Variants in GHR observed in about 807,000 individuals in gnomAD.
GHR encodes the protein GH receptor.
Under a neutral mutation model 67.1 loss-of-function variants are expected in GHR, and 35 were observed. The observed-to-expected ratio is 0.52, with a 90% confidence interval of 0.40 to 0.69. The LOEUF (loss-of-function observed/expected upper bound fraction) is 0.69, where lower values mean the gene tolerates loss of function less well. GHR is among the 30% of genes least tolerant of loss of function. The probability of loss-of-function intolerance (pLI) is 0.00; values close to 1 mark genes in which losing one functional copy is unlikely to be tolerated. For synonymous variants in GHR, 272 were observed against 269.1 expected (o/e 1.01, Z -0.10); for missense variants, 792 against 764.6 (o/e 1.04, Z -0.42).
At chr5:42,476,149 C>T (rs529136316) in intron 1 of GHR, among the ~76,000 whole-genome samples, 14 of 151,402 alleles carry the variant, frequency 9.2e-5, no homozygotes, top group African/African-American at 2.2e-4. Context: ...GTGATTTGCC[C>T]GCCTCAGCCT....
intron 2 of GHR, among the ~76,000 whole-genome samples, chr5:42,597,463 C>T (rs1378071541): frequency 6.6e-5 from 10 of 152,122 alleles, no homozygotes; most frequent in Admixed American, 2.6e-4. Flanking sequence ...GGATCCAGTA[C>T]ACCACTAGGT....
At chr5:42,450,632 T>G (rs912882260) in intron 1 of GHR, among the ~76,000 whole-genome samples, 2 of 152,108 alleles carry the variant, frequency 1.3e-5, no homozygotes, top group African/African-American at 4.8e-5. Context: ...TCAGTTTCAT[T>G]TAGTTCTTCT....
intron 2 of GHR, among the ~76,000 whole-genome samples, chr5:42,621,182 G>A (rs1753426741): frequency 6.6e-6 from 1 of 152,034 alleles, no homozygotes; most frequent in South Asian, 2.1e-4. Flanking sequence ...TGCTGCTCTT[G>A]TAACAGTAGG....
intron 1 of GHR, among the ~76,000 whole-genome samples, chr5:42,457,649 G>A (rs1219808872): frequency 6.6e-6 from 1 of 152,184 alleles, no homozygotes; most frequent in Non-Finnish European, 1.5e-5. Context: ...AATGTGTATT[G>A]ATTTTCACAA....
At position 42,612,515 on chromosome 5, in the gene GHR, G is replaced by A. The variant is rs147635691; in HGVS notation, c.71-16523G>A. ...TTTTAATATATCAAACTAGCATGTG[G>A]GTTGAGACACAACATCACATTACAA... On this transcript the variant is annotated intron_variant, in intron 2 of 9. Transcript: ENST00000230882. Among the ~76,000 whole-genome samples, 256 of 151,992 alleles carry A rather than the reference G, an allele frequency of 1.7e-3. 1 individual carries two copies. The highest frequency in any genetic ancestry group is 5.9e-3 in the African/African-American group (244 of 41,466).
intron 2 of GHR, among the ~76,000 whole-genome samples, chr5:42,576,730 T>C (rs1750767085): frequency 6.6e-6 from 1 of 152,252 alleles, no homozygotes; most frequent in African/African-American, 2.4e-5. Context: ...GATACTGTTA[T>C]GTAGTTATAG....
Position 42,656,145 on chromosome 5 carries a change from C to A in GHR, c.136+27042C>A, listed in dbSNP as rs943715285. ...GGTAACTAAAGATACTACAAACAAC[C>A]CCTCTGAACGGTAACACTCCCACTC... On this transcript the variant is annotated intron_variant, in intron 3 of 9. Coordinates refer to ENST00000230882, the MANE Select transcript of GHR (RefSeq NM_000163.5). Among the ~76,000 whole-genome samples, 43 of 151,984 alleles carry A rather than the reference C, an allele frequency of 2.8e-4. 1 individual carries two copies. Among genetic ancestry groups the A allele is most frequent in the Admixed American group, 2.8e-3 (43 of 15,264 alleles).
intron 1 of GHR, among the ~76,000 whole-genome samples, chr5:42,461,856 G>A (rs71625686): frequency 2.0e-5 from 3 of 152,224 alleles, no homozygotes; most frequent in African/African-American, 7.2e-5. Context: ...CCAGCTTCTA[G>A]CAGGACAGAC....
At chr5:42,475,511 C>T (rs1159700393) in intron 1 of GHR, among the ~76,000 whole-genome samples, 2 of 152,032 alleles carry the variant, frequency 1.3e-5, no homozygotes, top group Non-Finnish European at 1.5e-5. Flanking sequence ...TCCAATTCAA[C>T]TTTCCCTCCT....
chr5:42,430,145 C>G (rs1034788297), intron 1 of GHR, among the ~76,000 whole-genome samples: 1 of 152,138 alleles, frequency 6.6e-6, no homozygotes, highest in Admixed American at 6.5e-5. Context: ...GGACAAAGGC[C>G]CTGTTACTCT....
chr5:42,665,248 G>T lies in GHR; in HGVS notation c.137-23642G>T, dbSNP rs560768004. 2.0e-5 allele frequency among the ~76,000 whole-genome samples: 3 copies of T among 152,218 alleles called. No homozygotes were observed. The South Asian group carries it at 6.2e-4, about 32-fold the overall frequency. On this transcript the variant is annotated intron_variant, in intron 3 of 9. Coordinates refer to ENST00000230882, the MANE Select transcript of GHR (RefSeq NM_000163.5). ...TTTGACCCAGCCATCCCATTACTGG[G>T]TATATACCCAAATGACTGTAAATCA...
intron 1 of GHR, among the ~76,000 whole-genome samples, chr5:42,535,369 T>G (rs947371952): frequency 6.6e-6 from 1 of 152,200 alleles, no homozygotes; most frequent in African/African-American, 2.4e-5. Flanking sequence ...TTTATTCTCG[T>G]ATATGTGACT....
At chr5:42,680,251 A>G (rs1282296485) in intron 3 of GHR, among the ~76,000 whole-genome samples, 1 of 152,208 alleles carries the variant, frequency 6.6e-6, no homozygotes, top group African/African-American at 2.4e-5. Flanking sequence ...ATTTCGGCTG[A>G]CAATAAGTAT....
intron 3 of GHR, among the ~76,000 whole-genome samples, chr5:42,662,084 G>A (rs552418240): frequency 1.3e-5 from 2 of 152,258 alleles, no homozygotes; most frequent in South Asian, 4.2e-4. Context: ...ACCCAATACA[G>A]GAGCATCCAG....
intron 3 of GHR, among the ~76,000 whole-genome samples, chr5:42,681,935 C>CAAA (rs11443605): frequency 1.7e-3 from 136 of 78,876 alleles, no homozygotes; most frequent in Middle Eastern, 0.016. Flanking sequence ...GACTCCGTCT[C>CAAA]AAAAAAAAAA....
intron 1 of GHR, chr5:42,468,764 C>G (rs1744858764): frequency 9.4e-7 from 1 of 1,069,302 alleles, no homozygotes; most frequent in Non-Finnish European, 1.4e-6. Flanking sequence ...TTCTTGTTCT[C>G]TCCTGCCTTC....
intron 3 of GHR, among the ~76,000 whole-genome samples, chr5:42,640,018 C>G (rs554080376): frequency 1.3e-5 from 2 of 152,282 alleles, no homozygotes; most frequent in Non-Finnish European, 1.5e-5. Flanking sequence ...GCATCCTTTT[C>G]CTCAACACTA....
intron 1 of GHR, among the ~76,000 whole-genome samples, chr5:42,440,679 G>A (rs1743526328): frequency 6.6e-6 from 1 of 152,192 alleles, no homozygotes; most frequent in African/African-American, 2.4e-5. Context: ...GAGGAGGATG[G>A]AAAGAGATAT....
intron 3 of GHR, among the ~76,000 whole-genome samples, chr5:42,639,333 ACT>A (rs1382514510): frequency 6.6e-6 from 1 of 152,124 alleles, no homozygotes; most frequent in Non-Finnish European, 1.5e-5. Flanking sequence ...CACTTTAAAG[ACT>A]CATAAACCTG....
Sources: allele counts gnomAD v4.1 joint callset (sites outside exome capture counted in the v4.1 genomes callset), GRCh38; gene constraint gnomAD v4.1.1; transcripts MANE v1.5; gene names NCBI Gene and HGNC (gene_info 2026-07-23, HGNC 2026-07-21).